The following PZP variants were observed in gnomAD, a reference collection of about 807,000 sequenced individuals.
PZP encodes PZP alpha-2-macroglobulin like.
PZP carries 150 observed loss-of-function variants against 179.8 expected under a neutral mutation model. The ratio of observed to expected loss-of-function variants is 0.83; its 90% CI spans 0.73 to 0.96. The LOEUF is 0.96. Ranked by LOEUF, PZP falls within the 40% of genes least tolerant of loss-of-function variation. PZP has a pLI of 0.00. For missense variants in PZP, 1,689 were observed against 1,764.0 expected, an observed-to-expected ratio of 0.96 and a Z score of 0.76; for synonymous variants, 624 against 652.3, an observed-to-expected ratio of 0.96 and a Z score of 0.66.
At position 9,154,674 on chromosome 12, in the gene PZP, T is replaced by C; in HGVS notation, c.3716A>G (p.Asn1239Ser). ...CTGCTTCATGATCCACTTCACAATGTTAGTTGCAGAGGTCAGGTCCCCTGA... is the reference window on the plus strand; with the variant it reads ...CTGCTTCATGATCCACTTCACAATGCTAGTTGCAGAGGTCAGGTCCCCTGA... Reference protein sequence around the residue: ...PTSGDLTSATNIVKWIMKQQN... With the variant: ...PTSGDLTSATSIVKWIMKQQN... The change falls in exon 29 of 36, where the codon AAC (asparagine) becomes AGC (serine). Residue 1239 changes from asparagine (N) to serine (S), a missense_variant. Asn to Ser is a conservative substitution (Grantham distance 46, BLOSUM62 1). Transcript: ENST00000261336. 1.9e-6 allele frequency: 3 copies of C among 1,614,082 alleles called. No homozygotes were observed. The highest frequency in any genetic ancestry group is 2.5e-6 in the Non-Finnish European group (3 of 1,180,004).
chr12:9,197,847 AT>A (rs1329659091), intron 7 of PZP, among the ~76,000 whole-genome samples: 1 of 115,864 alleles, frequency 8.6e-6, no homozygotes, highest in African/African-American at 3.5e-5. Context: ...TATATAATAT[AT>A]AATATTAATT....
At chr12:9,137,471 T>C in the PZP span, among the ~76,000 whole-genome samples, 1 of 152,156 alleles carries the variant, frequency 6.6e-6, no homozygotes, top group Non-Finnish European at 1.5e-5. Context: ...GTCCTCCAGC[T>C]TTCTTCTTCT....
chr12:9,195,788 A>G (rs961174903), intron 10 of PZP, among the ~76,000 whole-genome samples: 101 of 151,580 alleles, frequency 6.7e-4, no homozygotes, highest in African/African-American at 2.4e-3. Flanking sequence ...AAACAGGTAA[A>G]ATTAATTATC....
At chr12:9,152,998 C>A in intron 30 of PZP, 47 bp from the exon 31 acceptor site, 1 of 1,612,618 alleles carries the variant, frequency 6.2e-7, no homozygotes, top group Non-Finnish European at 8.5e-7. Context: ...TTTCTGGACC[C>A]CTCACTTCCT....
intron 13 of PZP, among the ~76,000 whole-genome samples, chr12:9,186,208 C>T (rs1943109036): frequency 1.3e-5 from 2 of 152,060 alleles, no homozygotes; most frequent in African/African-American, 4.8e-5. Flanking sequence ...CAAGGAAATG[C>T]TGAGGGAATT....
At chr12:9,179,040 T>C (rs1942581984) in intron 15 of PZP, among the ~76,000 whole-genome samples, 1 of 152,232 alleles carries the variant, frequency 6.6e-6, no homozygotes, top group Admixed American at 6.5e-5. Flanking sequence ...CCCTTTTAAA[T>C]GGTGATTCAT....
chr12:9,153,259 G>T lies in PZP; in HGVS notation c.3859C>A (p.Gln1287Lys). The T allele has an allele frequency of 1.2e-6, 2 of 1,614,162 alleles. No homozygotes were observed. The highest frequency in any genetic ancestry group is 1.7e-6 in the Non-Finnish European group (2 of 1,179,990). ...RTEKTAQVTV[Q>K]DSQTFSTNFQ... ...TTTGTAGAAAAGGTCTGTGAATCCT[G>T]AACGGTGACCTGTGCAGTTTTCTCA... The change falls in exon 30 of 36, where the codon CAG becomes AAG. Residue 1287 changes from glutamine (Q) to lysine (K), a missense_variant. Transcript: ENST00000261336.
chr12:9,180,943 G>GA (rs1455667056), intron 15 of PZP, 40 bp downstream of exon 15: 11 of 1,586,696 alleles, frequency 6.9e-6, no homozygotes, highest in Non-Finnish European at 9.4e-6. Context: ...TGAGCCTCTG[G>GA]AATGGCCCTT....
At chr12:9,177,207 T>G (rs749976947) in intron 15 of PZP, among the ~76,000 whole-genome samples, 2 of 152,280 alleles carry the variant, frequency 1.3e-5, no homozygotes, top group Non-Finnish European at 2.9e-5. Context: ...TAAAAGATAT[T>G]GCAAGTTTAG....
At chr12:9,158,605 G>A (rs1940934496) in intron 25 of PZP, 29 bp from the exon 26 acceptor site, 1 of 1,610,492 alleles carries the variant, frequency 6.2e-7, no homozygotes, top group African/African-American at 1.3e-5. Flanking sequence ...CAGTGCTGAG[G>A]CTCTTTTCAT....
At chr12:9,169,241 C>T (rs1430268628) in intron 16 of PZP, among the ~76,000 whole-genome samples, 189 bp downstream of exon 16, 1 of 151,832 alleles carries the variant, frequency 6.6e-6, no homozygotes, top group Non-Finnish European at 1.5e-5. Flanking sequence ...TAGATCTAGC[C>T]CTGACTCACA....
intron 35 of PZP, among the ~76,000 whole-genome samples, chr12:9,149,345 A>G (rs1157987750): frequency 6.6e-6 from 1 of 152,246 alleles, no homozygotes; most frequent in Non-Finnish European, 1.5e-5. Flanking sequence ...TCCTACAAAT[A>G]AACAAAGCTT....
Position 9,192,434 on chromosome 12 carries a change from A to G in PZP, c.1482+78T>C, listed in dbSNP as rs1429466182. On this transcript the variant is annotated intron_variant, in intron 12 of 35. Coordinates refer to ENST00000261336, the MANE Select transcript of PZP (RefSeq NM_002864.3). The stretch of plus-strand genomic sequence containing the variant: ...CAAGGTGGCTGTGTGCAAGTAGTTT[A>G]TTTTGACATTCCTGAGCCTATTGAC... 2.1e-6 allele frequency: 3 copies of G among 1,408,380 alleles called. No homozygotes were observed. The African/African-American group carries it at 4.3e-5, about 20-fold the overall frequency. 87.2% of individuals were successfully genotyped at this position (1,408,380 alleles called of 1,614,324 possible). A position where few individuals can be genotyped will look rare whatever the true frequency, so the allele number is the denominator to read the frequency against.
At chr12:9,148,324 G>T (rs752453942), downstream of PZP, among the ~76,000 whole-genome samples, 1 of 152,182 alleles carries the variant, frequency 6.6e-6, no homozygotes, top group African/African-American at 2.4e-5. Flanking sequence ...TAGGATGCAG[G>T]TTACTCCCCT....
chr12:9,148,985 T>C lies in PZP; in HGVS notation c.4436A>G (p.His1479Arg), dbSNP rs376392165. The C allele has an allele frequency of 1.7e-5, 28 of 1,611,554 alleles. No homozygotes were observed. Among genetic ancestry groups the C allele is most frequent in the Non-Finnish European group, 2.4e-5 (28 of 1,177,654 alleles). ...CCTGTATGGTCCTCAAACATTTCCA[T>C]GCTCTGTATCTATGGAGAAAAGAAA... ...YIAPCSTDTE[H>R]GNV The change falls in exon 36 of 36, where the codon CAT (histidine) becomes CGT (arginine). Residue 1479 changes from histidine to arginine, a missense_variant. Coordinates refer to ENST00000261336, the MANE Select transcript of PZP (RefSeq NM_002864.3).
At chr12:9,148,756 T>G, downstream of PZP, 6 of 498,222 alleles carry the variant, frequency 1.2e-5, no homozygotes, top group Non-Finnish European at 2.1e-5. Flanking sequence ...AATCCAACCT[T>G]TGCACCAAAA....
chr12:9,152,147 A>G, intron 32 of PZP, 73 bp downstream of exon 32: 2 of 1,100,838 alleles, frequency 1.8e-6, no homozygotes, highest in African/African-American at 1.5e-5. Context: ...TGGTTTTGAT[A>G]TTGGTATGGT....
chr12:9,202,721 T>G (rs1565670444), intron 2 of PZP, 37 bp from the exon 3 acceptor site: 1 of 1,585,240 alleles, frequency 6.3e-7, no homozygotes, highest in South Asian at 1.1e-5. Context: ...TGAGGAACTG[T>G]GCAGTCTTCT....
chr12:9,163,658 A>G lies in PZP; in HGVS notation c.2736+10T>C, dbSNP rs1376831449. 1.2e-6 allele frequency: 2 copies of G among 1,612,334 alleles called. No individual in the cohort carries two copies. The highest frequency in any genetic ancestry group is 1.7e-6 in the Non-Finnish European group (2 of 1,179,160). ...CTTACAGTTGTTAGGGACTCCCAAA[A>G]ATATGTTACCTCCACCAACAGGGTT... On this transcript the variant is annotated intron_variant, in intron 21 of 35. Coordinates refer to ENST00000261336, the MANE Select transcript of PZP (RefSeq NM_002864.3).
Sources: allele counts gnomAD v4.1 joint callset (sites outside exome capture counted in the v4.1 genomes callset), GRCh38; gene constraint gnomAD v4.1.1; transcripts MANE v1.5; gene names NCBI Gene and HGNC (gene_info 2026-07-23, HGNC 2026-07-21).